Variants in NDUFAF6 observed in about 807,000 individuals in gnomAD.
The protein encoded by NDUFAF6 is NADH dehydrogenase (ubiquinone) complex I, assembly factor 6.
NDUFAF6 carries 45 observed loss-of-function variants against 40.8 expected under a neutral mutation model. That is an observed-to-expected ratio of 1.10 (90% CI 0.87 to 1.42). NDUFAF6 has a LOEUF of 1.42. Among genes scored for constraint, NDUFAF6 ranks in the 40% most tolerant of loss-of-function variants. The probability of loss-of-function intolerance (pLI) is 0.00; values close to 1 mark genes in which losing one functional copy is unlikely to be tolerated. For synonymous variants in NDUFAF6, 185 were observed against 155.9 expected (o/e 1.19, Z -1.39); for missense variants, 435 against 418.5 (o/e 1.04, Z -0.34).
At chr8:94,899,242 A>AT (rs1460929765) in intron 1 of NDUFAF6, among the ~76,000 whole-genome samples, 1 of 152,186 alleles carries the variant, frequency 6.6e-6, no homozygotes, top group Non-Finnish European at 1.5e-5. Context: ...TTTAAAAACA[A>AT]TTTTATTGTT....
intron 5 of NDUFAF6, 53 bp downstream of exon 5, chr8:95,045,700 A>C (rs1830668397): frequency 1.4e-6 from 2 of 1,441,326 alleles, no homozygotes; most frequent in African/African-American, 2.8e-5. Flanking sequence ...TACCTATGAG[A>C]TTTCACTTTT....
At chr8:94,960,369 G>T (rs1240618695) in intron 1 of NDUFAF6, among the ~76,000 whole-genome samples, 1 of 152,174 alleles carries the variant, frequency 6.6e-6, no homozygotes, top group East Asian at 1.9e-4. Context: ...ACCCGTAAAG[G>T]TTATCTGAAG....
intron 1 of NDUFAF6, among the ~76,000 whole-genome samples, chr8:94,918,678 C>T (rs1450989164): frequency 6.6e-6 from 1 of 152,178 alleles, no homozygotes; most frequent in African/African-American, 2.4e-5. Context: ...TCCCCAGGTT[C>T]ACCCAAACTG....
In NDUFAF6 at chr8:95,083,679, A is replaced by T. The variant is rs142707461; in HGVS notation, n.213+7927A>T. Among the ~76,000 whole-genome samples, 563 of 152,324 alleles carry T rather than the reference A, an allele frequency of 3.7e-3. 1 individual carries two copies. Among genetic ancestry groups the T allele is most frequent in the African/African-American group, 0.013 (542 of 41,568 alleles). On this transcript the variant is annotated intron_variant and non_coding_transcript_variant, in intron 2 of 5. Transcript: ENST00000523184. ...GCAGTAAATATGTACTTCTTTATTA[A>T]TGCATTAATTACAAGATCTAGCAGC...
intron 1 of NDUFAF6, among the ~76,000 whole-genome samples, chr8:95,100,704 C>T (rs940668028): frequency 2.6e-5 from 4 of 152,212 alleles, no homozygotes; most frequent in Admixed American, 2.0e-4. Context: ...GAAACCTTTG[C>T]ATGAAGATTC....
At chr8:94,985,689 C>T (rs1825848248) in intron 2 of NDUFAF6, among the ~76,000 whole-genome samples, 1 of 148,248 alleles carries the variant, frequency 6.7e-6, no homozygotes, top group South Asian at 2.1e-4. Context: ...GCATGCACCA[C>T]CATGCCTAGC....
chr8:95,106,492 TA>T (rs1445407441), downstream of NDUFAF6, among the ~76,000 whole-genome samples: 4 of 152,102 alleles, frequency 2.6e-5, no homozygotes, highest in Admixed American at 2.6e-4. Flanking sequence ...CAAGATGGAT[TA>T]AAGATTGAAA....
intron 4 of NDUFAF6, among the ~76,000 whole-genome samples, chr8:95,044,230 G>GA (rs950615015): frequency 6.6e-6 from 1 of 152,182 alleles, no homozygotes; most frequent in Non-Finnish European, 1.5e-5. Context: ...AGGAGGGGGG[G>GA]AAATGGGAAG....
chr8:95,002,917 T>A (rs1283161143), intron 2 of NDUFAF6, among the ~76,000 whole-genome samples: 1 of 152,180 alleles, frequency 6.6e-6, no homozygotes, highest in African/African-American at 2.4e-5. Flanking sequence ...CCCTTTACAA[T>A]TGGACTTCCT....
Position 94,998,325 on chromosome 8 carries a change from A to G in NDUFAF6, c.-84+17352A>G, listed in dbSNP as rs115870249. The stretch of plus-strand genomic sequence containing the variant: ...CTTCTATCCTTGTCCCCAGATGACA[A>G]CTATTGTTACCCATTTCCTTTGTAT... On this transcript the variant is annotated intron_variant, in intron 2 of 9. Coordinates refer to the NDUFAF6 transcript ENST00000396111. Among the ~76,000 whole-genome samples, 748 of 151,826 alleles carry G rather than the reference A, an allele frequency of 4.9e-3. 6 individuals are homozygous for G. The highest frequency in any genetic ancestry group is 0.016 in the African/African-American group (656 of 41,410).
chr8:95,025,217 C>G lies in NDUFAF6; in HGVS notation c.197+12C>G. The G allele has an allele frequency of 7.1e-7, 1 of 1,407,850 alleles. No individual in the cohort carries two copies. The highest frequency in any genetic ancestry group is 3.0e-5 in the East Asian group (1 of 33,330). 87.2% of individuals were successfully genotyped at this position (1,407,850 alleles called of 1,614,324 possible). A position where few individuals can be genotyped will look rare whatever the true frequency, so the allele number is the denominator to read the frequency against. On this transcript the variant is annotated intron_variant, in intron 1 of 8. Transcript: ENST00000396124. The stretch of plus-strand genomic sequence containing the variant: ...CTGGAGCTGCTGCGGTGAGCGAGCA[C>G]GACCTTCCCTGGCGCGGCGGGAAGC...
intron 4 of NDUFAF6, among the ~76,000 whole-genome samples, chr8:95,109,598 AGAGAGAGAGAGAGAG>A (rs1809937636): frequency 7.3e-6 from 1 of 136,740 alleles, no homozygotes; most frequent in African/African-American, 2.8e-5. Flanking sequence ...AGAGAGAGAG[AGAGAGAGAGAGAGAG>A]AGAGAGACCT....
chr8:95,118,393 A>AT (rs1037316536), downstream of NDUFAF6, among the ~76,000 whole-genome samples: 1 of 152,200 alleles, frequency 6.6e-6, no homozygotes, highest in African/African-American at 2.4e-5. Flanking sequence ...TGAGTAGCAT[A>AT]TGTCACAGAG....
downstream of NDUFAF6, among the ~76,000 whole-genome samples, chr8:95,117,088 C>T (rs1010924096): frequency 2.0e-5 from 3 of 152,164 alleles, no homozygotes; most frequent in African/African-American, 7.2e-5. Flanking sequence ...GTGGCTGTAT[C>T]CAGGAGCATG....
At chr8:95,024,063 A>C (rs975747456), upstream of NDUFAF6, among the ~76,000 whole-genome samples, 5 of 152,170 alleles carry the variant, frequency 3.3e-5, no homozygotes, top group African/African-American at 1.2e-4. Flanking sequence ...TGATAAATAC[A>C]TCTTCCTAAG....
At chr8:95,023,333 G>A (rs1448682156), upstream of NDUFAF6, 1 of 152,232 alleles carries the variant, frequency 6.6e-6, no homozygotes. Context: ...ATTTCAGAGA[G>A]TAAAAACCAA....
intron 1 of NDUFAF6, chr8:94,932,007 A>T (rs1820455078): frequency 6.6e-7 from 1 of 1,508,734 alleles, no homozygotes; most frequent in Non-Finnish European, 9.0e-7. Context: ...AAAGGTCAGC[A>T]TTTGGGTCCT....
At chr8:94,939,813 G>C (rs1035389858) in intron 1 of NDUFAF6, 9 of 1,571,740 alleles carry the variant, frequency 5.7e-6, no homozygotes, top group Middle Eastern at 1.8e-4. Context: ...GAGACAAAAT[G>C]CATGCTCAGT....
At chr8:94,999,721 C>A (rs1477027763) in intron 2 of NDUFAF6, among the ~76,000 whole-genome samples, 1 of 152,116 alleles carries the variant, frequency 6.6e-6, no homozygotes, top group Admixed American at 6.5e-5. Flanking sequence ...CGGGCCCATT[C>A]TATTTATTTT....
Sources: gnomAD v4.1 joint callset for allele counts (sites outside exome capture counted in the v4.1 genomes callset) on GRCh38, gnomAD v4.1.1 for gene constraint, MANE v1.5 for transcripts, NCBI Gene and HGNC (gene_info 2026-07-23, HGNC 2026-07-21) for gene names.